The following FAM168B variants were observed in gnomAD, a reference collection of about 807,000 sequenced individuals.
FAM168B encodes the protein family with sequence similarity 168 member B, also known as myelin-associated neurite-outgrowth inhibitor.
In FAM168B, 19 loss-of-function variants were observed where a neutral mutation model predicts 21.8. The ratio of observed to expected loss-of-function variants is 0.87; its 90% confidence interval spans 0.61 to 1.28. FAM168B has a LOEUF of 1.28. FAM168B is among the 50% of genes most tolerant of loss of function. The pLI, the probability that FAM168B is intolerant of heterozygous loss-of-function variation, is 0.00. For missense variants in FAM168B, 233 were observed against 263.1 expected (o/e 0.89, Z 0.79); for synonymous variants, 126 against 104.8 (o/e 1.20, Z -1.24).
At chr2:131,091,840 T>C (rs76031068) in intron 1 of FAM168B, among the ~76,000 whole-genome samples, 1 of 151,402 alleles carries the variant, frequency 6.6e-6, no homozygotes, top group African/African-American at 2.4e-5. Context: ...TCTTTTAAAA[T>C]TGTGCTCGGC....
At chr2:131,059,074 C>T (rs913000903) in intron 3 of FAM168B, among the ~76,000 whole-genome samples, 7 of 152,116 alleles carry the variant, frequency 4.6e-5, no homozygotes, top group African/African-American at 4.8e-5. Context: ...GGCGGGCACA[C>T]ATGTGACTAG....
chr2:131,068,351 G>C (rs570872711), intron 3 of FAM168B, among the ~76,000 whole-genome samples: 1 of 152,212 alleles, frequency 6.6e-6, no homozygotes, highest in East Asian at 1.9e-4. Context: ...TAGAGATGGG[G>C]TCTCACTGTA....
intron 1 of FAM168B, among the ~76,000 whole-genome samples, chr2:131,087,226 T>C (rs1693755182): frequency 6.6e-6 from 1 of 152,008 alleles, no homozygotes; most frequent in Non-Finnish European, 1.5e-5. Context: ...CCCAGTACTT[T>C]TGGAGGCCAA....
chr2:131,085,425 A>G (rs1693640537), intron 1 of FAM168B, among the ~76,000 whole-genome samples: 1 of 152,238 alleles, frequency 6.6e-6, no homozygotes, highest in African/African-American at 2.4e-5. Context: ...CAGCATCAAT[A>G]ACAACATCTG....
chr2:131,067,792 G>A (rs531526599), intron 3 of FAM168B, among the ~76,000 whole-genome samples: 2 of 152,090 alleles, frequency 1.3e-5, no homozygotes, highest in Admixed American at 6.5e-5. Flanking sequence ...AAAAGCAGCA[G>A]GAAGGGAGAA....
chr2:131,063,071 T>C (rs564474193), intron 3 of FAM168B, among the ~76,000 whole-genome samples: 2 of 152,350 alleles, frequency 1.3e-5, no homozygotes, highest in South Asian at 4.1e-4. Context: ...CTTGTAAAAG[T>C]TGACGTTAAA....
intron 1 of FAM168B, among the ~76,000 whole-genome samples, chr2:131,082,915 A>G (rs1266001931): frequency 6.6e-6 from 1 of 152,100 alleles, no homozygotes; most frequent in Non-Finnish European, 1.5e-5. Flanking sequence ...TGTTAGCTAT[A>G]TGTCCACTAA....
In FAM168B at chr2:131,073,470, G is replaced by A. The variant is rs892061539; in HGVS notation, c.71-1532C>T. The stretch of plus-strand genomic sequence containing the variant: ...TTCATATGTCCTCTCCAAAGCTCAC[G>A]TTAAAATTTGTCATTTTAACAGCAC... On this transcript the variant is annotated intron_variant, in intron 2 of 6. Coordinates refer to ENST00000389915, the MANE Select transcript of FAM168B (RefSeq NM_001009993.4). Among the ~76,000 whole-genome samples, 5 of 152,164 alleles carry A rather than the reference G, an allele frequency of 3.3e-5. 1 individual carries two copies. The highest frequency in any genetic ancestry group is 3.4e-3 in the Middle Eastern group (1 of 294).
chr2:131,071,752 G>A (rs192726151), intron 3 of FAM168B, 103 bp downstream of exon 3: 39 of 989,650 alleles, frequency 3.9e-5, no homozygotes, highest in African/African-American at 1.3e-4. Context: ...TTGAGAAATC[G>A]ACTCAACCAA....
At chr2:131,076,652 T>TA (rs76726482) in intron 2 of FAM168B, among the ~76,000 whole-genome samples, 8,520 of 96,188 alleles carry the variant, frequency 0.089, 636 homozygotes, top group African/African-American at 0.22. Context: ...GACTCCGTCT[T>TA]AAAAAAAAAA....
At chr2:131,059,761 T>C (rs1692200215) in intron 3 of FAM168B, among the ~76,000 whole-genome samples, 2 of 152,202 alleles carry the variant, frequency 1.3e-5, no homozygotes, top group Admixed American at 6.5e-5. Context: ...ACTGGAAATA[T>C]GAACACTGAT....
chr2:131,088,353 C>G (rs754272458), intron 1 of FAM168B, among the ~76,000 whole-genome samples: 1 of 151,914 alleles, frequency 6.6e-6, no homozygotes, highest in Non-Finnish European at 1.5e-5. Flanking sequence ...ATCAGACAAA[C>G]CCCAAAAGTG....
At chr2:131,077,335 C>T (rs1693207655) in intron 2 of FAM168B, among the ~76,000 whole-genome samples, 1 of 152,102 alleles carries the variant, frequency 6.6e-6, no homozygotes, top group African/African-American at 2.4e-5. Flanking sequence ...ACTGTTCAGC[C>T]AGGAGAAGTA....
rs70994735 is a variant in FAM168B, at chr2:131,087,063, CAA to C, written c.-11-4408_-11-4407del. Reference sequence around the variant, plus strand: ...CCTGGGCGACAGCGAGACTCCGTCTCAAAAAAAAAAAAAAAAAAAAAAGAGTC... The same window carrying C: ...CCTGGGCGACAGCGAGACTCCGTCTCAAAAAAAAAAAAAAAAAAAAGAGTC... On this transcript the variant is annotated intron_variant, in intron 1 of 6. Coordinates refer to ENST00000389915, the MANE Select transcript of FAM168B (RefSeq NM_001009993.4). Among the ~76,000 whole-genome samples the C allele has an allele frequency of 1.8e-3, 74 of 40,666 alleles. No individual in the cohort carries two copies. In the African/African-American group the frequency reaches 0.018, roughly 10 times the overall value. 26.7% of individuals were successfully genotyped at this position (40,666 alleles called of 152,430 possible).
In FAM168B at chr2:131,052,258, A is replaced by T. The variant is rs750022665; in HGVS notation, c.*207T>A. ...CTAAAAAATTGCCAGGCAGTCCACAAAACAGAATTTGCTTTAAGACCAACC... is the reference window on the plus strand; with the variant it reads ...CTAAAAAATTGCCAGGCAGTCCACATAACAGAATTTGCTTTAAGACCAACC... On this transcript the variant is annotated 3_prime_UTR_variant, in exon 7 of 7. Coordinates refer to ENST00000389915, the MANE Select transcript of FAM168B (RefSeq NM_001009993.4). 1.0e-6 allele frequency: 1 copy of T among 985,782 alleles called. No individual in the cohort carries two copies. Among genetic ancestry groups the T allele is most frequent in the African/African-American group, 1.7e-5 (1 of 57,232 alleles). The allele number at this position is 985,782 out of a possible 1,614,324, so 61.1% of individuals were successfully genotyped here.
chr2:131,082,651 T>G lies in FAM168B; in HGVS notation c.-5A>C. 1 of 1,593,684 alleles carries G rather than the reference T, an allele frequency of 6.3e-7. No individual in the cohort carries two copies. The highest frequency in any genetic ancestry group is 8.5e-7 in the Non-Finnish European group (1 of 1,172,748). On this transcript the variant is annotated 5_prime_UTR_variant, in exon 2 of 7. Coordinates refer to ENST00000389915, the MANE Select transcript of FAM168B (RefSeq NM_001009993.4). Reference sequence around the variant, plus strand: ...AGGACTATAAACAGGATTCATGATTTCAAAAACTAAAAGAAAAAAAAGGGA... The same window carrying G: ...AGGACTATAAACAGGATTCATGATTGCAAAAACTAAAAGAAAAAAAAGGGA...
At chr2:131,088,014 T>A (rs1282792429) in intron 1 of FAM168B, among the ~76,000 whole-genome samples, 3 of 152,006 alleles carry the variant, frequency 2.0e-5, no homozygotes, top group African/African-American at 7.2e-5. Flanking sequence ...GGGAGGCCGA[T>A]GAGGGCGGAT....
rs542985306 is a variant in FAM168B at position 131,058,650 on chromosome 2, T to C, written c.155-2955A>G. The stretch of plus-strand genomic sequence containing the variant: ...TACAACAACTTTTTAATACTGGTGC[T>C]TGGCCAAAGGAAAGCAGAATACGCA... On this transcript the variant is annotated intron_variant, in intron 3 of 6. Coordinates refer to ENST00000389915, the MANE Select transcript of FAM168B (RefSeq NM_001009993.4). Among the ~76,000 whole-genome samples, 13 of 152,346 alleles carry C rather than the reference T, an allele frequency of 8.5e-5. 1 individual carries two copies. The South Asian group carries it at 2.5e-3, about 29-fold the overall frequency.
chr2:131,072,267 G>A (rs189435241), intron 2 of FAM168B, among the ~76,000 whole-genome samples: 13 of 151,868 alleles, frequency 8.6e-5, no homozygotes, highest in Admixed American at 6.6e-5. Context: ...GGGATTACAG[G>A]TGTGTGTCAC....
Sources: allele counts gnomAD v4.1 joint callset (sites outside exome capture counted in the v4.1 genomes callset), GRCh38; gene constraint gnomAD v4.1.1; transcripts MANE v1.5; gene names NCBI Gene and HGNC (gene_info 2026-07-23, HGNC 2026-07-21).